Variants in MTMR2 observed in about 807,000 individuals in gnomAD.
MTMR2 encodes the protein myotubularin related protein 2.
In MTMR2, 55 loss-of-function variants were observed where a neutral mutation model predicts 86.9. The ratio of observed to expected loss-of-function variants is 0.63; its 90% CI spans 0.51 to 0.79. MTMR2 has a LOEUF of 0.79. MTMR2 is among the 30% of genes least tolerant of loss of function. MTMR2 has a pLI of 0.00. For missense variants in MTMR2, 659 were observed against 772.3 expected (o/e 0.85, Z 1.74); for synonymous variants, 241 against 266.8 (o/e 0.90, Z 0.94).
rs573425023 is a variant in MTMR2 at position 95,849,726 on chromosome 11, T to C, written c.941A>G (p.His314Arg). Residue 314 changes from histidine to arginine, a missense_variant, in exon 9 of 15, where the codon CAC becomes CGC. This residue lies in a region of MTMR2 where 387 missense variants were observed against 526.3 expected (regional missense o/e 0.74). Transcript: ENST00000346299. ...CCGGGCATCAAATATAAAGATTTTGTGAGACTGGGCATTGGAATCCATGAT... is the reference window on the plus strand; with the variant it reads ...CCGGGCATCAAATATAAAGATTTTGCGAGACTGGGCATTGGAATCCATGAT... ...QAIMDSNAQS[H>R]KIFIFDARPS... 1 of 1,614,158 alleles carries C rather than the reference T, an allele frequency of 6.2e-7. No homozygotes were observed. Among genetic ancestry groups the C allele is most frequent in the Admixed American group, 1.7e-5 (1 of 60,024 alleles).
intron 1 of MTMR2, among the ~76,000 whole-genome samples, chr11:95,896,599 G>C (rs975703558): frequency 6.6e-6 from 1 of 151,994 alleles, no homozygotes; most frequent in African/African-American, 2.4e-5. Context: ...AGACACTCAG[G>C]AAATATTTGT....
intron 1 of MTMR2, among the ~76,000 whole-genome samples, chr11:95,900,274 G>A (rs555389806): frequency 2.6e-5 from 4 of 152,206 alleles, no homozygotes; most frequent in Non-Finnish European, 4.4e-5. Flanking sequence ...TCTATGGAGA[G>A]GTTACAGCTA....
chr11:95,838,500 C>T (rs749440387), intron 12 of MTMR2, among the ~76,000 whole-genome samples: 2 of 152,008 alleles, frequency 1.3e-5, no homozygotes. Flanking sequence ...AAAATGACCA[C>T]AAACAACATT....
intron 3 of MTMR2, 32 bp from the exon 4 acceptor site, chr11:95,862,398 A>G (rs1360475411): frequency 1.3e-6 from 2 of 1,488,306 alleles, no homozygotes; most frequent in Non-Finnish European, 1.9e-6. Flanking sequence ...AGTTTACTAT[A>G]CATTATGTGC....
At chr11:95,914,444 CT>C in intron 1 of MTMR2, 1 of 787,508 alleles carries the variant, frequency 1.3e-6, no homozygotes, top group Non-Finnish European at 1.5e-6. Context: ...TTGCTTCATA[CT>C]TTACATGATC....
chr11:95,905,665 T>C (rs1866247794), intron 1 of MTMR2, among the ~76,000 whole-genome samples: 1 of 152,200 alleles, frequency 6.6e-6, no homozygotes, highest in Non-Finnish European at 1.5e-5. Context: ...AGCAAATTTA[T>C]GTTTTCTAGT....
intron 1 of MTMR2, among the ~76,000 whole-genome samples, chr11:95,916,811 G>T (rs1257255318): frequency 6.6e-6 from 1 of 152,106 alleles, no homozygotes; most frequent in Non-Finnish European, 1.5e-5. Context: ...CACAAAGTAA[G>T]AGTCTTTGAA....
intron 1 of MTMR2, among the ~76,000 whole-genome samples, chr11:95,892,936 C>T (rs1023042212): frequency 3.3e-5 from 5 of 152,130 alleles, no homozygotes; most frequent in African/African-American, 7.2e-5. Flanking sequence ...CATGTAACAA[C>T]GCCCAAAGAT....
At chr11:95,870,331 T>C (rs962665671) in intron 2 of MTMR2, among the ~76,000 whole-genome samples, 2 of 152,068 alleles carry the variant, frequency 1.3e-5, no homozygotes, top group African/African-American at 4.8e-5. Flanking sequence ...GACTTTAAAC[T>C]TGACCAGTCA....
At chr11:95,874,623 T>C (rs1280265695) in intron 2 of MTMR2, among the ~76,000 whole-genome samples, 1 of 152,214 alleles carries the variant, frequency 6.6e-6, no homozygotes, top group East Asian at 1.9e-4. Context: ...ATGTGTGAAT[T>C]TGATCCTGTC....
At chr11:95,906,990 G>A (rs1866302994) in intron 1 of MTMR2, among the ~76,000 whole-genome samples, 1 of 152,038 alleles carries the variant, frequency 6.6e-6, no homozygotes, top group South Asian at 2.1e-4. Flanking sequence ...CAACCCCAAA[G>A]CTAGCAGAAG....
intron 13 of MTMR2, 29 bp from the exon 14 acceptor site, chr11:95,836,353 C>G (rs760091979): frequency 3.2e-5 from 51 of 1,587,968 alleles, no homozygotes; most frequent in African/African-American, 6.7e-5. Flanking sequence ...GGTAAAGATT[C>G]TCCACCACAT....
At chr11:95,861,402 G>GTTGTTATTATTA (rs1555064755) in intron 5 of MTMR2, among the ~76,000 whole-genome samples, 1,563 of 140,958 alleles carry the variant, frequency 0.011, 29 homozygotes, top group African/African-American at 0.029. Context: ...ATTAAAGATG[G>GTTGTTATTATTA]TTATTATTAT....
chr11:95,895,513 G>A (rs1008628304), intron 1 of MTMR2, among the ~76,000 whole-genome samples: 2 of 152,136 alleles, frequency 1.3e-5, no homozygotes, highest in Non-Finnish European at 2.9e-5. Flanking sequence ...TTAAAAGCCT[G>A]GCTAATAAAA....
chr11:95,910,402 A>C (rs1478111755), intron 1 of MTMR2, among the ~76,000 whole-genome samples: 1 of 152,126 alleles, frequency 6.6e-6, no homozygotes, highest in Admixed American at 6.6e-5. Flanking sequence ...TAAAATTGAA[A>C]AAGTATTTCT....
intron 1 of MTMR2, among the ~76,000 whole-genome samples, chr11:95,899,583 A>T (rs1865997561): frequency 6.6e-6 from 1 of 151,534 alleles, no homozygotes; most frequent in Admixed American, 6.6e-5. Context: ...GGAGAGATAG[A>T]CTCCTTTTTA....
intron 7 of MTMR2, among the ~76,000 whole-genome samples, chr11:95,854,473 T>C (rs1269813446): frequency 1.3e-5 from 2 of 152,186 alleles, no homozygotes; most frequent in Non-Finnish European, 2.9e-5. Context: ...ATCTTTTTTG[T>C]TCGTTTCATG....
Position 95,834,907 on chromosome 11 carries a change from G to T in MTMR2, c.*383C>A, listed in dbSNP as rs1026471859. On this transcript the variant is annotated 3_prime_UTR_variant, in exon 15 of 15. Transcript: ENST00000346299. Reference sequence around the variant, plus strand: ...GTGATGCCACAGAATTTCAGTGTTGGTTTGAAAACTGATGTTCCTCTGCAC... The same window carrying T: ...GTGATGCCACAGAATTTCAGTGTTGTTTTGAAAACTGATGTTCCTCTGCAC... 4.1e-6 allele frequency: 1 copy of T among 242,712 alleles called. No individual in the cohort carries two copies. Among genetic ancestry groups the T allele is most frequent in the Non-Finnish European group, 8.3e-6 (1 of 121,136 alleles). 15.0% of individuals were successfully genotyped at this position (242,712 alleles called of 1,614,324 possible).
intron 2 of MTMR2, among the ~76,000 whole-genome samples, chr11:95,885,236 A>G (rs1458298298): frequency 1.3e-5 from 2 of 152,086 alleles, no homozygotes; most frequent in Non-Finnish European, 2.9e-5. Context: ...CACCCTACCC[A>G]TCGTATTATC....
Sources: gnomAD v4.1 joint callset for allele counts (sites outside exome capture counted in the v4.1 genomes callset) on GRCh38, gnomAD v4.1.1 for gene constraint, gnomAD v4.1.1 regional missense constraint, MANE v1.5 for transcripts, NCBI Gene and HGNC (gene_info 2026-07-23, HGNC 2026-07-21) for gene names.